The following PAQR5 variants were observed in gnomAD, a reference collection of about 807,000 sequenced individuals.
PAQR5 encodes progestin and adipoQ receptor family member 5, also known as membrane progestin receptor gamma.
In PAQR5, 20 loss-of-function variants were observed where a neutral mutation model predicts 34.5. The observed-to-expected ratio is 0.58, with a 90% CI of 0.41 to 0.84. PAQR5 has a LOEUF of 0.84. Ranked by LOEUF, PAQR5 falls within the 40% of genes least tolerant of loss-of-function variation. PAQR5 has a pLI of 0.00. For synonymous variants in PAQR5, 131 were observed against 155.6 expected (o/e 0.84, Z 1.18); for missense variants, 378 against 412.7 (o/e 0.92, Z 0.73).
chr15:69,359,555 A>G (rs1427817289), intron 2 of PAQR5, among the ~76,000 whole-genome samples: 1 of 152,178 alleles, frequency 6.6e-6, no homozygotes, highest in Non-Finnish European at 1.5e-5. Flanking sequence ...GGAACAAAAC[A>G]GGATATGGAT....
intron 2 of PAQR5, among the ~76,000 whole-genome samples, chr15:69,339,420 TTAGTC>T (rs2054588815): frequency 6.6e-6 from 1 of 152,160 alleles, no homozygotes; most frequent in Non-Finnish European, 1.5e-5. Flanking sequence ...CCTGGCGGCC[TTAGTC>T]CCCCCACAAC....
At chr15:69,339,881 TG>T (rs1301032881) in intron 2 of PAQR5, among the ~76,000 whole-genome samples, 3 of 152,114 alleles carry the variant, frequency 2.0e-5, no homozygotes, top group South Asian at 2.1e-4. Context: ...ACCTTTTTTT[TG>T]GGGGACGGAG....
chr15:69,398,315 C>T (rs1339357064), intron 7 of PAQR5, among the ~76,000 whole-genome samples: 4 of 152,090 alleles, frequency 2.6e-5, no homozygotes, highest in African/African-American at 4.8e-5. Context: ...GGAAAGTCCA[C>T]GCACTTTCAA....
intron 4 of PAQR5, among the ~76,000 whole-genome samples, chr15:69,383,639 T>C (rs1555422164): frequency 1.8e-5 from 2 of 113,190 alleles, no homozygotes; most frequent in African/African-American, 3.5e-5. Flanking sequence ...AGTGGCCCTC[T>C]GTGTTCATCG....
intron 3 of PAQR5, among the ~76,000 whole-genome samples, chr15:69,363,843 T>C (rs909793452): frequency 1.3e-5 from 2 of 152,062 alleles, no homozygotes; most frequent in Admixed American, 6.6e-5. Context: ...TGTGAGCCAC[T>C]GAACCCAGAC....
intron 3 of PAQR5, among the ~76,000 whole-genome samples, chr15:69,364,643 C>CTGTGTG (rs3985624): frequency 4.8e-5 from 7 of 146,378 alleles, no homozygotes; most frequent in African/African-American, 1.8e-4. Flanking sequence ...AATATGGTTG[C>CTGTGTG]TGTGTGTGTG....
At chr15:69,312,937 C>A in intron 1 of PAQR5, among the ~76,000 whole-genome samples, 1 of 152,124 alleles carries the variant, frequency 6.6e-6, no homozygotes, top group East Asian at 1.9e-4. Context: ...GGGAAGTTCA[C>A]GAACACATGC....
intron 2 of PAQR5, among the ~76,000 whole-genome samples, chr15:69,357,350 A>G (rs1225563985): frequency 6.6e-6 from 1 of 151,170 alleles, no homozygotes; most frequent in Non-Finnish European, 1.5e-5. Flanking sequence ...TGCAACCTCC[A>G]CCTCCCAGGT....
intron 1 of PAQR5, among the ~76,000 whole-genome samples, chr15:69,326,557 C>T (rs2054256210): frequency 6.6e-6 from 1 of 151,798 alleles, no homozygotes; most frequent in Non-Finnish European, 1.5e-5. Context: ...CTGCCTCAGA[C>T]TCCTGATTAG....
chr15:69,372,634 T>C (rs546596230), intron 3 of PAQR5, among the ~76,000 whole-genome samples: 34 of 152,314 alleles, frequency 2.2e-4, no homozygotes, highest in African/African-American at 7.7e-4. Context: ...CTGTTGTAAG[T>C]TGGCATTTTC....
rs1313093673 is a variant in PAQR5, at chr15:69,355,140, T to A, written c.-115-4826T>A. Among the ~76,000 whole-genome samples, 7 of 152,050 alleles carry A rather than the reference T, an allele frequency of 4.6e-5. No homozygotes were observed. In the East Asian group the frequency reaches 1.4e-3, roughly 30 times the overall value. The stretch of plus-strand genomic sequence containing the variant: ...GGCTTCCATTATCACATGAGCCAAT[T>A]CACCTAATAAATCCCCTGTCACCCA... On this transcript the variant is annotated intron_variant, in intron 2 of 8. Transcript: ENST00000395407.
chr15:69,347,709 A>C (rs1462055134), intron 2 of PAQR5, among the ~76,000 whole-genome samples: 2 of 152,102 alleles, frequency 1.3e-5, no homozygotes, highest in African/African-American at 4.8e-5. Flanking sequence ...AGGAGGCTGG[A>C]ACTTCAGTAG....
At chr15:69,397,185 G>A (rs1447977566) in intron 6 of PAQR5, 1 of 585,074 alleles carries the variant, frequency 1.7e-6, no homozygotes, top group Non-Finnish European at 3.2e-6. Context: ...GCCCTTGAAG[G>A]GTTTCTGCCC....
At chr15:69,314,218 A>AT (rs112562266) in intron 1 of PAQR5, among the ~76,000 whole-genome samples, 2 of 151,640 alleles carry the variant, frequency 1.3e-5, no homozygotes, top group Non-Finnish European at 2.9e-5. Context: ...AAAAAAAAAA[A>AT]GGAAATTGTG....
chr15:69,384,565 C>T (rs59560663), intron 4 of PAQR5, 112 bp from the exon 5 acceptor site: 18,242 of 30,076 alleles, frequency 0.61, 6,215 homozygotes, highest in South Asian at 0.7. Context: ...GGAGGGTGAG[C>T]GGGCCCTCCG....
chr15:69,311,194 G>A (rs967520267), intron 1 of PAQR5, among the ~76,000 whole-genome samples: 2 of 151,862 alleles, frequency 1.3e-5, no homozygotes, highest in African/African-American at 4.8e-5. Flanking sequence ...GAGATACCTC[G>A]CTGTCATGAC....
intron 6 of PAQR5, among the ~76,000 whole-genome samples, chr15:69,395,890 G>A (rs961641116): frequency 2.6e-5 from 4 of 152,210 alleles, no homozygotes; most frequent in African/African-American, 4.8e-5. Context: ...CACGAAAGTG[G>A]GCTGGAGTGA....
intron 1 of PAQR5, among the ~76,000 whole-genome samples, chr15:69,308,522 T>C (rs923351487): frequency 3.3e-5 from 5 of 152,252 alleles, no homozygotes; most frequent in Non-Finnish European, 7.4e-5. Flanking sequence ...CCCTGGCTTC[T>C]ATGCAACAGA....
At chr15:69,305,256 C>T (rs764860509) in intron 1 of PAQR5, among the ~76,000 whole-genome samples, 3 of 152,146 alleles carry the variant, frequency 2.0e-5, no homozygotes, top group South Asian at 2.1e-4. Flanking sequence ...AATGTCCTCT[C>T]GGGGACACTC....
Sources: gnomAD v4.1 joint callset for allele counts (sites outside exome capture counted in the v4.1 genomes callset) on GRCh38, gnomAD v4.1.1 for gene constraint, MANE v1.5 for transcripts, NCBI Gene and HGNC (gene_info 2026-07-23, HGNC 2026-07-21) for gene names.